The following TCAIM variants were observed in gnomAD, a reference collection of about 807,000 sequenced individuals.
The protein encoded by TCAIM is T-cell activation inhibitor, mitochondrial.
In TCAIM, 36 loss-of-function variants were observed where a neutral mutation model predicts 58.6. The ratio of observed to expected loss-of-function variants is 0.61; its 90% CI spans 0.47 to 0.81. The LOEUF is 0.81. Ranked by LOEUF, TCAIM falls within the 30% of genes least tolerant of loss-of-function variation. TCAIM has a pLI of 0.00. For synonymous variants in TCAIM, 172 were observed against 193.6 expected (o/e 0.89, Z 0.93); for missense variants, 466 against 579.6 (o/e 0.80, Z 2.01).
chr3:44,380,966 T>C (rs1701646317), intron 5 of TCAIM, among the ~76,000 whole-genome samples: 1 of 151,962 alleles, frequency 6.6e-6, no homozygotes, highest in African/African-American at 2.4e-5. Context: ...AAATAGAAAA[T>C]GAGACTGAGT....
chr3:44,368,549 G>GA (rs1701416720), intron 5 of TCAIM, among the ~76,000 whole-genome samples: 1 of 152,208 alleles, frequency 6.6e-6, no homozygotes, highest in South Asian at 2.1e-4. Context: ...CTGAAGACGT[G>GA]TATGTATGTA....
rs1701578004 is a variant in TCAIM at position 44,377,116 on chromosome 3, A to G, written c.572+9408A>G. ...AAAATAAATAAATAAATAATAAAAC[A>G]CATGATTCAACTATATGCCATCTAC... On this transcript the variant is annotated intron_variant, in intron 5 of 10. Coordinates refer to ENST00000342649, the MANE Select transcript of TCAIM (RefSeq NM_173826.4). Among the ~76,000 whole-genome samples the G allele has an allele frequency of 6.6e-5, 10 of 152,108 alleles. No homozygotes were observed. The South Asian group carries it at 2.1e-3, about 31-fold the overall frequency.
At chr3:44,372,009 AGAAGGAAGGAAGGAAGGAAGGAAGGAAG>A (rs568035350) in intron 5 of TCAIM, among the ~76,000 whole-genome samples, 50 of 115,568 alleles carry the variant, frequency 4.3e-4, no homozygotes, top group Non-Finnish European at 6.3e-4. Context: ...AGAGAAAGAG[AGAAGGAAGGAAGGAAGGAAGGAAGGAAG>A]GAAGGAAGGA....
intron 5 of TCAIM, among the ~76,000 whole-genome samples, chr3:44,385,966 A>T (rs765701019): frequency 1.3e-5 from 2 of 152,152 alleles, no homozygotes; most frequent in Non-Finnish European, 2.9e-5. Context: ...AGAAATGCTT[A>T]CAAACAGTAG....
chr3:44,347,553 A>G (rs1430412374), intron 1 of TCAIM, among the ~76,000 whole-genome samples: 1 of 152,140 alleles, frequency 6.6e-6, no homozygotes, highest in African/African-American at 2.4e-5. Context: ...GGACGTATTG[A>G]GGATAGGAGA....
At chr3:44,400,886 G>C (rs1702011954) in intron 9 of TCAIM, 1 of 487,006 alleles carries the variant, frequency 2.1e-6, no homozygotes, top group Middle Eastern at 5.6e-4. Flanking sequence ...CAACATTTGT[G>C]GTGTATACAC....
At chr3:44,378,103 G>C (rs544528680) in intron 5 of TCAIM, among the ~76,000 whole-genome samples, 1 of 152,164 alleles carries the variant, frequency 6.6e-6, no homozygotes, top group Non-Finnish European at 1.5e-5. Flanking sequence ...ACAAACTGCT[G>C]GGTGCGGTGG....
At chr3:44,355,216 GGT>G (rs1475308191) in intron 2 of TCAIM, among the ~76,000 whole-genome samples, 1 of 150,238 alleles carries the variant, frequency 6.7e-6, no homozygotes, top group East Asian at 2.0e-4. Context: ...GCGCATGGCA[GGT>G]GTGCAGTAAT....
At chr3:44,354,602 T>C in intron 1 of TCAIM, 137 bp from the exon 2 acceptor site, 1 of 541,082 alleles carries the variant, frequency 1.8e-6, no homozygotes, top group Admixed American at 3.8e-5. Flanking sequence ...TTTGTAGTTT[T>C]CCTTATCTAG....
At chr3:44,358,348 A>G in intron 3 of TCAIM, 2 of 742,250 alleles carry the variant, frequency 2.7e-6, no homozygotes, top group East Asian at 5.1e-5. Flanking sequence ...GACTTATGGT[A>G]GATGTAGTTA....
intron 10 of TCAIM, among the ~76,000 whole-genome samples, 179 bp downstream of exon 10, chr3:44,401,513 G>A (rs538479879): frequency 2.6e-4 from 39 of 152,248 alleles, no homozygotes; most frequent in African/African-American, 9.1e-4. Flanking sequence ...ACGGACCTCA[G>A]TTTGAGAAGT....
At chr3:44,399,097 C>T (rs1461122942) in intron 8 of TCAIM, among the ~76,000 whole-genome samples, 4 of 152,080 alleles carry the variant, frequency 2.6e-5, no homozygotes, top group Non-Finnish European at 4.4e-5. Context: ...CAGTGTCACA[C>T]GGCTCTGTAC....
At chr3:44,385,421 T>A (rs376846585) in intron 5 of TCAIM, among the ~76,000 whole-genome samples, 11 of 152,210 alleles carry the variant, frequency 7.2e-5, no homozygotes, top group African/African-American at 2.6e-4. Context: ...GGACTGCTGA[T>A]CCTGAAAAAG....
chr3:44,365,855 T>C (rs1439689196), intron 4 of TCAIM, among the ~76,000 whole-genome samples: 1 of 152,242 alleles, frequency 6.6e-6, no homozygotes, highest in Non-Finnish European at 1.5e-5. Context: ...TTGCCACATG[T>C]GCTAGTAGCT....
intron 8 of TCAIM, among the ~76,000 whole-genome samples, chr3:44,399,910 G>C (rs768835945): frequency 6.6e-6 from 1 of 152,084 alleles, no homozygotes; most frequent in Non-Finnish European, 1.5e-5. Flanking sequence ...TTACGTATAT[G>C]GTAGGTGCGC....
At chr3:44,373,605 G>A (rs1177430387) in intron 5 of TCAIM, among the ~76,000 whole-genome samples, 8 of 152,112 alleles carry the variant, frequency 5.3e-5, no homozygotes, top group Non-Finnish European at 1.0e-4. Context: ...AGTGAACCAA[G>A]ATCGTGCCAC....
rs933275416 is a variant in TCAIM at position 44,400,401 on chromosome 3, T to A, written c.932T>A (p.Met311Lys). The A allele has an allele frequency of 5.0e-6, 8 of 1,613,810 alleles. No homozygotes were observed. Among genetic ancestry groups the A allele is most frequent in the Middle Eastern group, 1.7e-4 (1 of 6,052 alleles). Residue 311 changes from methionine (M) to lysine (K), a missense_variant, in exon 9 of 11, where the codon ATG becomes AAG. Physicochemically the swap from Met to Lys is moderately conservative, Grantham distance 95. Coordinates refer to ENST00000342649, the MANE Select transcript of TCAIM (RefSeq NM_173826.4). ...TATTTTGACCTTCAGAGGAGGCTGA[T>A]GATTTTAGAAGACCAAATAAGCTAT... Reference protein sequence around the residue: ...PSYFDLQRRLMILEDQISYLL... With the variant: ...PSYFDLQRRLKILEDQISYLL...
In TCAIM at chr3:44,400,381, T is replaced by A; in HGVS notation, c.912T>A (p.Phe304Leu). 1 of 1,613,586 alleles carries A rather than the reference T, an allele frequency of 6.2e-7. No individual in the cohort carries two copies. The highest frequency in any genetic ancestry group is 8.5e-7 in the Non-Finnish European group (1 of 1,179,818). The change falls in exon 9 of 11, where the codon TTT becomes TTA. Residue 304 changes from phenylalanine to leucine, a missense_variant. Phe to Leu is a conservative substitution (Grantham distance 22). Transcript: ENST00000342649. Reference protein sequence around the residue: ...TKLFERLPSYFDLQRRLMILE... With the variant: ...TKLFERLPSYLDLQRRLMILE... The stretch of plus-strand genomic sequence containing the variant: ...TTTTTGAAAGATTGCCAAGTTATTT[T>A]GACCTTCAGAGGAGGCTGATGATTT...
At chr3:44,389,676 C>A (rs1701800870) in intron 5 of TCAIM, among the ~76,000 whole-genome samples, 1 of 150,958 alleles carries the variant, frequency 6.6e-6, no homozygotes, top group Non-Finnish European at 1.5e-5. Context: ...GCAGAAGTGA[C>A]AAAATGTTTA....
Sources: gnomAD v4.1 joint callset for allele counts (sites outside exome capture counted in the v4.1 genomes callset) on GRCh38, gnomAD v4.1.1 for gene constraint, MANE v1.5 for transcripts, NCBI Gene and HGNC (gene_info 2026-07-23, HGNC 2026-07-21) for gene names.